GBE1: variants seen among roughly 807,000 people sequenced by gnomAD.
GBE1 encodes the protein 1,4-alpha-glucan branching enzyme 1, also known as 1,4-alpha-glucan-branching enzyme.
In GBE1, 70 loss-of-function variants were observed where a neutral mutation model predicts 88.8. The observed-to-expected ratio is 0.79, with a 90% CI of 0.65 to 0.96. The LOEUF (loss-of-function observed/expected upper bound fraction) is 0.96, where lower values mean the gene tolerates loss of function less well. Ranked by LOEUF, GBE1 falls within the 40% of genes least tolerant of loss-of-function variation. The probability of loss-of-function intolerance (pLI) is 0.00; values close to 1 mark genes in which losing one functional copy is unlikely to be tolerated. For synonymous variants in GBE1, 284 were observed against 300.1 expected (o/e 0.95, Z 0.56); for missense variants, 872 against 871.0 (o/e 1.00, Z -0.01).
At chr3:81,628,742 CATATATATATATATATAT>C (rs71108330) in intron 7 of GBE1, among the ~76,000 whole-genome samples, 1,041 of 65,420 alleles carry the variant, frequency 0.016, 46 homozygotes, top group African/African-American at 0.029. Flanking sequence ...AGAACAATTG[CATATATATATATATATAT>C]ATATATATAT....
intron 12 of GBE1, 53 bp downstream of exon 12, chr3:81,577,872 T>C (rs1226345880): frequency 2.8e-6 from 4 of 1,406,866 alleles, no homozygotes; most frequent in East Asian, 4.8e-5. Flanking sequence ...ATTTATGTCA[T>C]TATAAGTTAA....
At chr3:81,613,011 G>C in intron 7 of GBE1, 1 of 545,554 alleles carries the variant, frequency 1.8e-6, no homozygotes, top group Non-Finnish European at 2.9e-6. Flanking sequence ...AGGGGATAAG[G>C]ATGAAGGTGA....
intron 12 of GBE1, among the ~76,000 whole-genome samples, chr3:81,554,408 T>C (rs368782543): frequency 1.3e-5 from 2 of 152,200 alleles, no homozygotes; most frequent in East Asian, 3.9e-4. Context: ...TAGCCAACTA[T>C]GAAATTGATT....
chr3:81,559,340 A>C (rs1229349607), intron 12 of GBE1, among the ~76,000 whole-genome samples: 1 of 152,010 alleles, frequency 6.6e-6, no homozygotes, highest in East Asian at 1.9e-4. Flanking sequence ...TCTAGTGGGC[A>C]ACCCTGGTGT....
At chr3:81,566,405 A>G (rs1194255886) in intron 12 of GBE1, among the ~76,000 whole-genome samples, 3 of 152,196 alleles carry the variant, frequency 2.0e-5, no homozygotes, top group Admixed American at 6.5e-5. Flanking sequence ...TGGTTCTTTA[A>G]TATGTTAGTT....
chr3:81,648,791 CT>C, intron 5 of GBE1, 64 bp downstream of exon 5: 1 of 953,066 alleles, frequency 1.0e-6, no homozygotes, highest in Non-Finnish European at 1.5e-6. Context: ...TTGTAATTAG[CT>C]TTTCTAATAA....
intron 12 of GBE1, among the ~76,000 whole-genome samples, chr3:81,546,266 TCA>T (rs1261953937): frequency 5.9e-5 from 9 of 151,358 alleles, no homozygotes; most frequent in African/African-American, 1.9e-4. Flanking sequence ...ACACACACTC[TCA>T]CTTTAAATAC....
At chr3:81,590,978 G>A in intron 9 of GBE1, 59 bp downstream of exon 9, 1 of 1,439,364 alleles carries the variant, frequency 6.9e-7, no homozygotes, top group South Asian at 1.4e-5. Context: ...AATACTGTAT[G>A]CTGACAAAAT....
At chr3:81,594,553 A>G (rs1703929886) in intron 7 of GBE1, among the ~76,000 whole-genome samples, 1 of 152,082 alleles carries the variant, frequency 6.6e-6, no homozygotes, top group Non-Finnish European at 1.5e-5. Flanking sequence ...TCAAATAGAT[A>G]TGATTCAGAA....
intron 14 of GBE1, among the ~76,000 whole-genome samples, chr3:81,526,957 T>A (rs988947934): frequency 6.6e-6 from 1 of 152,130 alleles, no homozygotes; most frequent in African/African-American, 2.4e-5. Flanking sequence ...TCACGCTACC[T>A]GACTTCAAAC....
At chr3:81,568,814 G>A (rs1380081226) in intron 12 of GBE1, among the ~76,000 whole-genome samples, 1 of 152,078 alleles carries the variant, frequency 6.6e-6, no homozygotes, top group African/African-American at 2.4e-5. Context: ...GTGAGTATAT[G>A]TGAAGACATA....
chr3:81,635,983 G>A (rs769389146), intron 7 of GBE1, among the ~76,000 whole-genome samples: 3 of 152,150 alleles, frequency 2.0e-5, no homozygotes, highest in Non-Finnish European at 2.9e-5. Flanking sequence ...TTTTAGGCTT[G>A]TGGGGAATAA....
At chr3:81,545,660 T>C (rs1703196954) in intron 12 of GBE1, among the ~76,000 whole-genome samples, 1 of 152,034 alleles carries the variant, frequency 6.6e-6, no homozygotes, top group African/African-American at 2.4e-5. Context: ...GCCAGTTGTA[T>C]TCCACCAGTC....
At chr3:81,504,199 T>A (rs1021477472) in intron 14 of GBE1, among the ~76,000 whole-genome samples, 1 of 152,036 alleles carries the variant, frequency 6.6e-6, no homozygotes, top group African/African-American at 2.4e-5. Context: ...AGGGGACAAA[T>A]ATCCAAAACA....
At chr3:81,724,977 G>A (rs1706087567) in intron 1 of GBE1, among the ~76,000 whole-genome samples, 1 of 152,134 alleles carries the variant, frequency 6.6e-6, no homozygotes, top group South Asian at 2.1e-4. Context: ...CAAAATGCCT[G>A]TTACTGGACT....
intron 12 of GBE1, among the ~76,000 whole-genome samples, chr3:81,546,898 T>C (rs575554816): frequency 4.0e-5 from 6 of 151,174 alleles, no homozygotes; most frequent in South Asian, 4.2e-4. Context: ...AAAAACCCTC[T>C]CTTAGGGTCT....
At chr3:81,730,911 A>G (rs1168815331) in intron 1 of GBE1, among the ~76,000 whole-genome samples, 1 of 152,136 alleles carries the variant, frequency 6.6e-6, no homozygotes, top group East Asian at 1.9e-4. Flanking sequence ...ACCTTATATG[A>G]AGAGTACCAG....
At chr3:81,540,325 T>C (rs1703128331) in intron 12 of GBE1, among the ~76,000 whole-genome samples, 1 of 152,018 alleles carries the variant, frequency 6.6e-6, no homozygotes, top group African/African-American at 2.4e-5. Context: ...TAGGCTGGAA[T>C]CTACAGTTTA....
intron 12 of GBE1, among the ~76,000 whole-genome samples, chr3:81,576,780 G>C (rs543281614): frequency 4.0e-5 from 6 of 149,814 alleles, no homozygotes; most frequent in African/African-American, 1.5e-4. Flanking sequence ...GTGACCCTGA[G>C]AATAGAGGAT....
Sources: allele counts gnomAD v4.1 joint callset (sites outside exome capture counted in the v4.1 genomes callset), GRCh38; gene constraint gnomAD v4.1.1; transcripts MANE v1.5; gene names NCBI Gene and HGNC (gene_info 2026-07-23, HGNC 2026-07-21).